The following LPCAT1 variants were observed in gnomAD, a reference collection of about 807,000 sequenced individuals.
The protein encoded by LPCAT1 is 1-acylglycerol-3-phosphate O-acyltransferase.
A neutral mutation model predicts 60.9 loss-of-function variants in LPCAT1; 23 were observed. The observed-to-expected ratio is 0.38, with a 90% CI of 0.27 to 0.53. The LOEUF is 0.53. Ranked by LOEUF, LPCAT1 falls within the 20% of genes least tolerant of loss-of-function variation. LPCAT1 has a pLI of 0.82. For missense variants in LPCAT1, 622 were observed against 723.6 expected, an observed-to-expected ratio of 0.86 and a Z score of 1.61; for synonymous variants, 340 against 301.1, an observed-to-expected ratio of 1.13 and a Z score of -1.34.
intron 13 of LPCAT1, 65 bp downstream of exon 13, chr5:1,466,684 C>T (rs758469211): frequency 3.7e-4 from 563 of 1,509,340 alleles, no homozygotes; most frequent in Non-Finnish European, 4.4e-4. Context: ...CACGGAGACT[C>T]GCCCCACACT....
intron 1 of LPCAT1, among the ~76,000 whole-genome samples, chr5:1,503,645 A>G (rs1736095692): frequency 6.6e-6 from 1 of 152,248 alleles, no homozygotes. Context: ...TTCCTCGTGC[A>G]GTCGCCCTAC....
chr5:1,494,222 A>T (rs997910332), intron 3 of LPCAT1, among the ~76,000 whole-genome samples: 1 of 152,240 alleles, frequency 6.6e-6, no homozygotes, highest in Admixed American at 6.5e-5. Context: ...CTGCCATCTG[A>T]TAAAGGTGAG....
chr5:1,501,932 G>A (rs1271056685), intron 1 of LPCAT1, among the ~76,000 whole-genome samples: 1 of 151,808 alleles, frequency 6.6e-6, no homozygotes, highest in Non-Finnish European at 1.5e-5. Flanking sequence ...GACCAACACT[G>A]ACCGACACTG....
intron 5 of LPCAT1, among the ~76,000 whole-genome samples, chr5:1,486,952 G>A (rs1735392626): frequency 6.6e-6 from 1 of 152,200 alleles, no homozygotes. Flanking sequence ...CTCCTACTGG[G>A]CACCGCCATG....
At chr5:1,498,134 T>C (rs1343377907) in intron 2 of LPCAT1, among the ~76,000 whole-genome samples, 1 of 152,244 alleles carries the variant, frequency 6.6e-6, no homozygotes, top group Non-Finnish European at 1.5e-5. Context: ...TATTCAAAAC[T>C]GCAGAGCAGT....
chr5:1,485,286 A>G (rs1371156852), intron 5 of LPCAT1, among the ~76,000 whole-genome samples: 1 of 152,086 alleles, frequency 6.6e-6, no homozygotes, highest in African/African-American at 2.4e-5. Context: ...CCCCGGTGGG[A>G]AAGTCTGCAG....
rs1734984146 is a variant in LPCAT1 at position 1,477,808 on chromosome 5, C to T, written c.817-322G>A. Among the ~76,000 whole-genome samples, 2 of 107,372 alleles carry T rather than the reference C, an allele frequency of 1.9e-5. No homozygotes were observed. Among genetic ancestry groups the T allele is most frequent in the African/African-American group, 7.6e-5 (2 of 26,312 alleles). The allele number at this position is 107,372 out of a possible 152,430, so 70.4% of individuals were successfully genotyped here. On this transcript the variant is annotated intron_variant, in intron 8 of 13. Transcript: ENST00000283415. This position sits in a 1 kb window ranked among gnomAD's most constrained non-coding sequence, Gnocchi z 6.0. ...GCGCCTGCTGCCTACATCAGAACATCTGGCTCTCTGATCTACACTCACCCC... is the reference window on the plus strand; with the variant it reads ...GCGCCTGCTGCCTACATCAGAACATTTGGCTCTCTGATCTACACTCACCCC...
At chr5:1,503,735 C>CT (rs892703304) in intron 1 of LPCAT1, among the ~76,000 whole-genome samples, 13 of 151,146 alleles carry the variant, frequency 8.6e-5, no homozygotes, top group South Asian at 8.4e-4. Flanking sequence ...TATAGAGTCC[C>CT]TTTTTTTTTG....
chr5:1,465,585 A>G (rs1049032551), intron 13 of LPCAT1, among the ~76,000 whole-genome samples: 1 of 151,854 alleles, frequency 6.6e-6, no homozygotes, highest in Admixed American at 6.6e-5. Flanking sequence ...AAGTGCACGC[A>G]CACACACGCA....
chr5:1,519,334 CACAT>C (rs1406668126), intron 1 of LPCAT1, among the ~76,000 whole-genome samples: 1 of 152,240 alleles, frequency 6.6e-6, no homozygotes, highest in Non-Finnish European at 1.5e-5. Flanking sequence ...TGTGTGTACA[CACAT>C]ATTCTCATAC....
At chr5:1,510,173 A>C in intron 1 of LPCAT1, among the ~76,000 whole-genome samples, 1 of 151,306 alleles carries the variant, frequency 6.6e-6, no homozygotes, top group African/African-American at 2.4e-5. Flanking sequence ...TTTCACCCCC[A>C]CCCCGTGTGA....
rs147362572 is a variant in LPCAT1, at chr5:1,506,305, C to A, written c.136-4702G>T. On this transcript the variant is annotated intron_variant, in intron 1 of 13. Transcript: ENST00000283415. ...CACCTCACCCAGCTCTGGGCCTGTG[C>A]GCTCTTTCTCTGCCAGGCTCGGCCC... is the stretch of plus-strand genomic sequence containing the variant. Among the ~76,000 whole-genome samples, 3 of 152,236 alleles carry A rather than the reference C, an allele frequency of 2.0e-5. 1 individual carries two copies. Among genetic ancestry groups the A allele is most frequent in the African/African-American group, 7.2e-5 (3 of 41,462 alleles).
chr5:1,471,705 CA>C (rs1276856487), intron 11 of LPCAT1, among the ~76,000 whole-genome samples: 5 of 150,814 alleles, frequency 3.3e-5, no homozygotes, highest in Non-Finnish European at 7.4e-5. Flanking sequence ...CAGGAGCATC[CA>C]GGGGTAGAGG....
In LPCAT1 at chr5:1,521,135, C is replaced by T. The variant is rs868069659; in HGVS notation, c.135+2575G>A. ...TTAGCCAGAGGATTAAAACATTGCACGTATTACAGACCCTGATGGCTTTGA... is the reference window on the plus strand; with the variant it reads ...TTAGCCAGAGGATTAAAACATTGCATGTATTACAGACCCTGATGGCTTTGA... On this transcript the variant is annotated intron_variant, in intron 1 of 13. Transcript: ENST00000283415. The surrounding 1 kb of genome is among the most constrained non-coding windows in gnomAD (Gnocchi z 4.3). Among the ~76,000 whole-genome samples, 2 of 152,292 alleles carry T rather than the reference C, an allele frequency of 1.3e-5. No homozygotes were observed. The highest frequency in any genetic ancestry group is 2.9e-5 in the Non-Finnish European group (2 of 68,034).
chr5:1,488,890 C>G (rs1735466798), intron 4 of LPCAT1, among the ~76,000 whole-genome samples: 1 of 152,240 alleles, frequency 6.6e-6, no homozygotes, highest in African/African-American at 2.4e-5. Flanking sequence ...CGAAGGAGGG[C>G]TGGGACCCCA....
chr5:1,512,554 T>C (rs1387515515), intron 1 of LPCAT1, among the ~76,000 whole-genome samples: 1 of 152,236 alleles, frequency 6.6e-6, no homozygotes, highest in African/African-American at 2.4e-5. Flanking sequence ...TTCAACCTTG[T>C]GTACTACAAA....
chr5:1,488,508 A>C (rs1365803298), intron 4 of LPCAT1, 57 bp from the exon 5 acceptor site: 1 of 1,188,432 alleles, frequency 8.4e-7, no homozygotes, highest in Non-Finnish European at 1.2e-6. Flanking sequence ...TATAATTCAG[A>C]ACTTACAGAA....
intron 1 of LPCAT1, among the ~76,000 whole-genome samples, chr5:1,510,054 T>A (rs962340930): frequency 6.6e-6 from 1 of 152,176 alleles, no homozygotes; most frequent in Non-Finnish European, 1.5e-5. Context: ...TATAAATGTA[T>A]ATACATCTTG....
chr5:1,474,739 C>A, intron 9 of LPCAT1, 54 bp from the exon 10 acceptor site: 2 of 1,567,212 alleles, frequency 1.3e-6, no homozygotes. Context: ...CCAGTTCCCA[C>A]CGCCCCACCA....
Sources: allele counts gnomAD v4.1 joint callset (sites outside exome capture counted in the v4.1 genomes callset), GRCh38; gene constraint gnomAD v4.1.1; non-coding constraint Gnocchi (gnomAD v3.1); transcripts MANE v1.5; gene names NCBI Gene and HGNC (gene_info 2026-07-23, HGNC 2026-07-21).